The following ANKS1B variants were observed in gnomAD, a reference collection of about 807,000 sequenced individuals.
The protein encoded by ANKS1B is ankyrin repeat and sterile alpha motif domain-containing protein 1B.
Under a neutral mutation model 148.3 loss-of-function variants are expected in ANKS1B, and 36 were observed. The ratio of observed to expected loss-of-function variants is 0.24; its 90% CI spans 0.19 to 0.32. The LOEUF is 0.32. Ranked by LOEUF, ANKS1B falls within the 10% of genes least tolerant of loss-of-function variation. The pLI is 1.00. For missense variants in ANKS1B, 1,157 were observed against 1,542.6 expected, an observed-to-expected ratio of 0.75 and a Z score of 4.19; for synonymous variants, 542 against 560.8, an observed-to-expected ratio of 0.97 and a Z score of 0.47.
At chr12:98,898,896 G>A (rs753662342) in intron 17 of ANKS1B, among the ~76,000 whole-genome samples, 26 of 152,226 alleles carry the variant, frequency 1.7e-4, no homozygotes, top group Non-Finnish European at 1.5e-4. Context: ...GAATGCAACC[G>A]TCAACATAAA....
chr12:99,955,911 C>G (rs1242285848), intron 1 of ANKS1B, among the ~76,000 whole-genome samples: 1 of 151,964 alleles, frequency 6.6e-6, no homozygotes, highest in Non-Finnish European at 1.5e-5. Flanking sequence ...TTTATAATAT[C>G]TAAAGAAAAT....
At chr12:99,743,153 T>C (rs535291808) in intron 8 of ANKS1B, among the ~76,000 whole-genome samples, 1 of 152,294 alleles carries the variant, frequency 6.6e-6, no homozygotes, top group South Asian at 2.1e-4. Context: ...TATACTTAAT[T>C]ATAATAAATT....
chr12:99,071,644 C>CTTTTTTTTTT (rs71646503), intron 16 of ANKS1B, among the ~76,000 whole-genome samples: 1 of 143,144 alleles, frequency 7.0e-6, no homozygotes. Flanking sequence ...TAATCTCTCT[C>CTTTTTTTTTT]TTTTTTTTTT....
intron 14 of ANKS1B, among the ~76,000 whole-genome samples, chr12:99,235,212 T>A (rs1374902417): frequency 6.6e-6 from 1 of 152,218 alleles, no homozygotes; most frequent in East Asian, 1.9e-4. Flanking sequence ...GTGGCACTTT[T>A]AACATTTATT....
intron 8 of ANKS1B, among the ~76,000 whole-genome samples, chr12:99,746,302 T>C (rs1191675152): frequency 6.6e-6 from 1 of 152,204 alleles, no homozygotes; most frequent in African/African-American, 2.4e-5. Flanking sequence ...ATATTTTCTC[T>C]AGTCCCTATC....
At position 98,785,540 on chromosome 12, in the gene ANKS1B, TG is replaced by T; in HGVS notation, c.3343-3404del. ...TATTGAGTCTTCAGGGAGTCTAATC[TG>T]GGAGGCAAGAAATCTAGTAAGTGCC... On this transcript the variant is annotated intron_variant, in intron 22 of 26. Coordinates refer to ENST00000683438, the MANE Select transcript of ANKS1B (RefSeq NM_001352186.2). Among the ~76,000 whole-genome samples the T allele has an allele frequency of 1.3e-5, 2 of 152,236 alleles. 1 individual carries two copies.
At chr12:99,602,073 G>C (rs1041259899) in intron 9 of ANKS1B, among the ~76,000 whole-genome samples, 2 of 152,008 alleles carry the variant, frequency 1.3e-5, no homozygotes, top group African/African-American at 4.8e-5. Flanking sequence ...AGAGAAAGGG[G>C]AGCAGGCATA....
intron 12 of ANKS1B, among the ~76,000 whole-genome samples, chr12:99,259,045 T>C (rs1328693913): frequency 6.6e-6 from 1 of 152,174 alleles, no homozygotes; most frequent in Non-Finnish European, 1.5e-5. Context: ...ATTAGATAGC[T>C]AGTGAACAGA....
intron 12 of ANKS1B, among the ~76,000 whole-genome samples, chr12:99,320,276 T>C (rs780053557): frequency 9.4e-4 from 143 of 152,208 alleles, no homozygotes; most frequent in Non-Finnish European, 1.8e-3. Flanking sequence ...GGATAATATC[T>C]CGCAGAGTGT....
At chr12:99,277,166 A>C (rs2077778016) in intron 12 of ANKS1B, among the ~76,000 whole-genome samples, 1 of 152,226 alleles carries the variant, frequency 6.6e-6, no homozygotes, top group Admixed American at 6.5e-5. Flanking sequence ...GATAGTCTCC[A>C]GGTGCCATCT....
chr12:98,884,527 C>T (rs374680355), intron 17 of ANKS1B, among the ~76,000 whole-genome samples: 11 of 152,252 alleles, frequency 7.2e-5, no homozygotes, highest in African/African-American at 2.4e-4. Context: ...GGGCCGGGCG[C>T]GGTGGCTCAC....
intron 10 of ANKS1B, among the ~76,000 whole-genome samples, chr12:99,466,046 C>G (rs1359653218): frequency 6.6e-6 from 1 of 152,084 alleles, no homozygotes; most frequent in Non-Finnish European, 1.5e-5. Flanking sequence ...AAGTAAAGCT[C>G]TCCTCAGCAA....
chr12:98,849,127 A>AATCTCAAC (rs1390953170), intron 17 of ANKS1B, among the ~76,000 whole-genome samples: 1 of 152,200 alleles, frequency 6.6e-6, no homozygotes, highest in Non-Finnish European at 1.5e-5. Flanking sequence ...GAATTCTTCT[A>AATCTCAAC]ATCTCAACTT....
chr12:99,456,265 A>C (rs1300063616), intron 10 of ANKS1B, among the ~76,000 whole-genome samples: 2 of 152,172 alleles, frequency 1.3e-5, no homozygotes. Context: ...AAAGAATCTT[A>C]ACAGAAGCCC....
chr12:99,467,064 A>G (rs967474841), intron 10 of ANKS1B, among the ~76,000 whole-genome samples: 1 of 152,244 alleles, frequency 6.6e-6, no homozygotes, highest in Non-Finnish European at 1.5e-5. Flanking sequence ...AACCTAATCC[A>G]GCAGCACATC....
At chr12:98,885,785 C>G (rs1051092061) in intron 17 of ANKS1B, among the ~76,000 whole-genome samples, 6 of 152,158 alleles carry the variant, frequency 3.9e-5, no homozygotes, top group Non-Finnish European at 7.3e-5. Context: ...TTGAGTTGAG[C>G]TGAGCTGTCT....
intron 12 of ANKS1B, among the ~76,000 whole-genome samples, chr12:99,389,428 G>T (rs527295708): frequency 6.6e-6 from 1 of 152,036 alleles, no homozygotes; most frequent in Non-Finnish European, 1.5e-5. Context: ...GGGAAGGAGG[G>T]GATTTTCTCC....
chr12:98,763,226 C>T (rs940430585), intron 25 of ANKS1B, among the ~76,000 whole-genome samples: 54 of 152,200 alleles, frequency 3.5e-4, no homozygotes, highest in African/African-American at 1.2e-3. Flanking sequence ...CACCCACGTC[C>T]GGAGGCAAAA....
chr12:99,473,138 T>A (rs374655106), intron 10 of ANKS1B, among the ~76,000 whole-genome samples: 1 of 152,058 alleles, frequency 6.6e-6, no homozygotes, highest in South Asian at 2.1e-4. Flanking sequence ...TGTGCCTTTA[T>A]ACTTTTACTA....
Sources: gnomAD v4.1 joint callset for allele counts (sites outside exome capture counted in the v4.1 genomes callset) on GRCh38, gnomAD v4.1.1 for gene constraint, MANE v1.5 for transcripts, NCBI Gene and HGNC (gene_info 2026-07-23, HGNC 2026-07-21) for gene names.